PDE4B: variants seen among roughly 807,000 people sequenced by gnomAD.
The protein encoded by PDE4B is 3',5'-cyclic-AMP phosphodiesterase 4B.
Under a neutral mutation model 82.2 loss-of-function variants are expected in PDE4B, and 20 were observed. The observed-to-expected ratio is 0.24, with a 90% CI of 0.17 to 0.35. PDE4B has a LOEUF of 0.35. Ranked by LOEUF, PDE4B falls within the 10% of genes least tolerant of loss-of-function variation. The pLI, the probability that PDE4B is intolerant of heterozygous loss-of-function variation, is 1.00. For missense variants in PDE4B, 655 were observed against 907.2 expected (o/e 0.72, Z 3.57); for synonymous variants, 320 against 318.9 (o/e 1.00, Z -0.04).
intron 1 of PDE4B, among the ~76,000 whole-genome samples, chr1:65,842,012 A>G (rs2101348351): frequency 6.6e-6 from 1 of 152,326 alleles, no homozygotes; most frequent in South Asian, 2.1e-4. Flanking sequence ...GAAATATTAA[A>G]TCAACTTAGT....
chr1:65,878,380 G>A (rs12737568), intron 1 of PDE4B, among the ~76,000 whole-genome samples: 27,126 of 151,994 alleles, frequency 0.18, 2,894 homozygotes, highest in South Asian at 0.38. Context: ...CCCATTACTG[G>A]GTATGTACCC....
intron 7 of PDE4B, among the ~76,000 whole-genome samples, chr1:66,272,699 T>C (rs1655588607): frequency 6.6e-6 from 1 of 151,844 alleles, no homozygotes; most frequent in South Asian, 2.1e-4. Flanking sequence ...ACCTAAAGCA[T>C]TGTGGTGGTC....
intron 1 of PDE4B, among the ~76,000 whole-genome samples, chr1:65,802,990 A>G (rs916379071): frequency 6.6e-6 from 1 of 152,152 alleles, no homozygotes. Context: ...CTATTTATTT[A>G]TAAAATGTTA....
At chr1:66,238,666 G>A (rs1402679230) in intron 3 of PDE4B, among the ~76,000 whole-genome samples, 1 of 151,096 alleles carries the variant, frequency 6.6e-6, no homozygotes. Context: ...TAAAATCATG[G>A]ATGATTCTGG....
intron 3 of PDE4B, among the ~76,000 whole-genome samples, chr1:66,150,865 G>A (rs1646378751): frequency 6.6e-6 from 1 of 152,036 alleles, no homozygotes; most frequent in Non-Finnish European, 1.5e-5. Context: ...AACCAACCTT[G>A]GATTCCTGGG....
intron 3 of PDE4B, among the ~76,000 whole-genome samples, chr1:66,113,106 G>A (rs1301224809): frequency 6.6e-6 from 1 of 152,200 alleles, no homozygotes; most frequent in East Asian, 1.9e-4. Flanking sequence ...TGAATCAAGT[G>A]TGCGAATTGC....
At chr1:66,182,733 A>G (rs1237859124) in intron 3 of PDE4B, among the ~76,000 whole-genome samples, 1 of 152,194 alleles carries the variant, frequency 6.6e-6, no homozygotes, top group African/African-American at 2.4e-5. Flanking sequence ...GTTTCAAACC[A>G]GTCCAGGGTG....
chr1:66,073,237 A>G (rs1182773524), intron 3 of PDE4B, among the ~76,000 whole-genome samples: 1 of 152,082 alleles, frequency 6.6e-6, no homozygotes, highest in East Asian at 1.9e-4. Flanking sequence ...AATGTCACCT[A>G]GTACTTAAGA....
chr1:65,933,728 TG>T (rs1400714658), intron 3 of PDE4B, among the ~76,000 whole-genome samples: 5 of 150,764 alleles, frequency 3.3e-5, no homozygotes, highest in African/African-American at 1.2e-4. Flanking sequence ...GGAATGCTAA[TG>T]GAAGCTCTTC....
intron 3 of PDE4B, among the ~76,000 whole-genome samples, chr1:66,060,836 G>A (rs944598244): frequency 1.3e-4 from 19 of 151,984 alleles, no homozygotes; most frequent in African/African-American, 4.6e-4. Flanking sequence ...TGAGGTCAGT[G>A]TCTCCTGCCT....
intron 7 of PDE4B, among the ~76,000 whole-genome samples, chr1:66,318,681 A>AT (rs772297007): frequency 1.1e-4 from 16 of 152,238 alleles, no homozygotes; most frequent in Non-Finnish European, 2.1e-4. Flanking sequence ...TAGTAAACAC[A>AT]TAAAAAGAAA....
Position 66,332,630 on chromosome 1 carries a change from G to T in PDE4B, c.747+10G>T, listed in dbSNP as rs753211265. 4.0e-5 allele frequency: 65 copies of T among 1,611,914 alleles called. No homozygotes were observed. In the East Asian group the frequency reaches 1.4e-3, roughly 34 times the overall value. On this transcript the variant is annotated intron_variant, in intron 8 of 16. Transcript: ENST00000341517. ...GATGGCTTCTAACAAGGTAAGAGAT[G>T]ATCTTTTTATTCATTAAAGTGTGAT...
At chr1:66,198,752 C>T (rs1006434380) in intron 3 of PDE4B, among the ~76,000 whole-genome samples, 2 of 151,908 alleles carry the variant, frequency 1.3e-5, no homozygotes, top group African/African-American at 4.8e-5. Context: ...TAATGCTATC[C>T]CTCCCCCTTC....
intron 3 of PDE4B, among the ~76,000 whole-genome samples, chr1:66,113,094 T>A (rs534795286): frequency 1.3e-5 from 2 of 152,318 alleles, no homozygotes; most frequent in East Asian, 1.9e-4. Flanking sequence ...TCCCCATGGA[T>A]TTGAATCAAG....
chr1:66,172,579 G>A (rs1009535741), intron 3 of PDE4B, among the ~76,000 whole-genome samples: 3 of 149,660 alleles, frequency 2.0e-5, no homozygotes, highest in Non-Finnish European at 2.9e-5. Context: ...CAATATATAA[G>A]TGTTCCCTTT....
chr1:65,997,685 G>A (rs546618747), intron 3 of PDE4B, among the ~76,000 whole-genome samples: 1 of 152,218 alleles, frequency 6.6e-6, no homozygotes, highest in African/African-American at 2.4e-5. Context: ...ACATTTGTTT[G>A]AACAAAACAG....
chr1:66,219,818 C>T (rs115783670), intron 3 of PDE4B, among the ~76,000 whole-genome samples: 1,869 of 152,238 alleles, frequency 0.012, 46 homozygotes, highest in African/African-American at 0.043. Context: ...ACATTGTTAA[C>T]AATAAAATTA....
At chr1:65,936,452 A>C (rs1055075584) in intron 3 of PDE4B, among the ~76,000 whole-genome samples, 1 of 152,222 alleles carries the variant, frequency 6.6e-6, no homozygotes, top group Non-Finnish European at 1.5e-5. Context: ...ACCATCATAC[A>C]TGTGGTCCAT....
intron 3 of PDE4B, among the ~76,000 whole-genome samples, chr1:66,214,882 C>T (rs1389846512): frequency 1.3e-5 from 2 of 152,212 alleles, no homozygotes; most frequent in East Asian, 3.9e-4. Context: ...GAAAGTGATC[C>T]CCTCTCATAT....
Sources: allele counts gnomAD v4.1 joint callset (sites outside exome capture counted in the v4.1 genomes callset), GRCh38; gene constraint gnomAD v4.1.1; transcripts MANE v1.5; gene names NCBI Gene and HGNC (gene_info 2026-07-23, HGNC 2026-07-21).